The following CRHBP variants were observed in gnomAD, a reference collection of about 807,000 sequenced individuals.
CRHBP encodes the protein corticotropin-releasing hormone-binding protein.
Under a neutral mutation model 34.9 loss-of-function variants are expected in CRHBP, and 19 were observed. The observed-to-expected ratio is 0.55, with a 90% CI of 0.38 to 0.80. The LOEUF is 0.80. CRHBP is among the 30% of genes least tolerant of loss of function. CRHBP has a pLI of 0.00. For synonymous variants in CRHBP, 154 were observed against 153.4 expected, an observed-to-expected ratio of 1.00 and a Z score of -0.03; for missense variants, 328 against 409.2, an observed-to-expected ratio of 0.80 and a Z score of 1.71.
chr5:76,958,135 G>A (rs7704707), intron 4 of CRHBP, among the ~76,000 whole-genome samples: 1 of 151,752 alleles, frequency 6.6e-6, no homozygotes, highest in Non-Finnish European at 1.5e-5. Flanking sequence ...TTCTAGCCAG[G>A]GTGACAGAGC....
chr5:76,976,966 C>A (rs1352973775), intron 3 of CRHBP, among the ~76,000 whole-genome samples: 2 of 152,184 alleles, frequency 1.3e-5, no homozygotes, highest in Non-Finnish European at 2.9e-5. Flanking sequence ...ACTCTGCCAT[C>A]TGCTCAGCAA....
In CRHBP at chr5:76,955,646, T is replaced by C; in HGVS notation, c.334-7T>C. 1 of 1,613,798 alleles carries C rather than the reference T, an allele frequency of 6.2e-7. No individual in the cohort carries two copies. The highest frequency in any genetic ancestry group is 8.5e-7 in the Non-Finnish European group (1 of 1,179,728). On this transcript the variant is annotated splice_region_variant and splice_polypyrimidine_tract_variant and intron_variant, in intron 3 of 6. Transcript: ENST00000274368. ...TGATAGCATCTATGTCTGTATTTTT[T>C]TCAAAGGTATTTGATGGTTGGATTC...
chr5:76,963,884 C>T (rs966858353), intron 6 of CRHBP, among the ~76,000 whole-genome samples: 1 of 151,982 alleles, frequency 6.6e-6, no homozygotes, highest in Non-Finnish European at 1.5e-5. Flanking sequence ...GTGTGTGTTA[C>T]TCATAGTAAA....
At chr5:76,960,771 T>TG (rs1745764737) in intron 5 of CRHBP, among the ~76,000 whole-genome samples, 2 of 136,132 alleles carry the variant, frequency 1.5e-5, no homozygotes, top group African/African-American at 2.9e-5. Context: ...TTTTGTTTTT[T>TG]GTTTTTTTTT....
intron 6 of CRHBP, among the ~76,000 whole-genome samples, chr5:76,964,155 G>A (rs1342674361): frequency 6.6e-6 from 1 of 152,094 alleles, no homozygotes; most frequent in Non-Finnish European, 1.5e-5. Context: ...ATGACCTCAT[G>A]ACCAGATAAC....
At position 76,954,083 on chromosome 5, in the gene CRHBP, C is replaced by G. The variant is rs79810800; in HGVS notation, c.230C>G (p.Pro77Arg). 2.5e-6 allele frequency: 4 copies of G among 1,613,976 alleles called. No individual in the cohort carries two copies. The highest frequency in any genetic ancestry group is 2.2e-5 in the East Asian group (1 of 44,852). The change falls in exon 3 of 7, where the codon CCG becomes CGG. Residue 77 changes from proline to arginine, a missense_variant. By Grantham distance (103) the Pro-to-Arg change is moderately radical. Transcript: ENST00000274368. ...QGQFTFTADR[P>R]QLHCAAFFIS... is the part of the protein sequence containing the mutation. ...CAGTTCACCTTCACCGCCGACCGGC[C>G]GCAGCTGCACTGCGCAGCCTTCTTC...
chr5:76,959,374 G>A (rs1354263118), intron 5 of CRHBP, among the ~76,000 whole-genome samples: 1 of 152,188 alleles, frequency 6.6e-6, no homozygotes, highest in Admixed American at 6.5e-5. Flanking sequence ...GCAAAATACA[G>A]TAAAGCTTTG....
rs1280412885 is a variant in CRHBP at position 76,953,838 on chromosome 5, C to T, written c.175+144C>T. 2.6e-6 allele frequency: 3 copies of T among 1,170,788 alleles called. No homozygotes were observed. In the African/African-American group the frequency reaches 4.7e-5, roughly 18 times the overall value. The allele number at this position is 1,170,788 out of a possible 1,614,324, so 72.5% of individuals were successfully genotyped here. On this transcript the variant is annotated intron_variant, in intron 2 of 6. Coordinates refer to ENST00000274368, the MANE Select transcript of CRHBP (RefSeq NM_001882.4). ...GCGGTCCCCTTAGCTAAGGATCGGT[C>T]CGCGGAGGCGCGCCAGGAGCGGGAG...
intron 3 of CRHBP, 82 bp downstream of exon 3, chr5:76,954,268 G>A: frequency 1.3e-6 from 2 of 1,503,670 alleles, no homozygotes; most frequent in Non-Finnish European, 1.8e-6. Flanking sequence ...ACCCAGCGTG[G>A]GGCTGCTGAG....
chr5:76,969,704 C>T (rs191847330), downstream of CRHBP, among the ~76,000 whole-genome samples: 41 of 152,258 alleles, frequency 2.7e-4, no homozygotes, highest in East Asian at 9.6e-4. Context: ...ATTCATTTTC[C>T]GCTATCCTCA....
At chr5:76,976,859 AT>A (rs1231181825) in intron 3 of CRHBP, among the ~76,000 whole-genome samples, 7 of 151,928 alleles carry the variant, frequency 4.6e-5, no homozygotes, top group Non-Finnish European at 2.9e-5. Context: ...TTCAATTACT[AT>A]TTTTTTTCTT....
downstream of CRHBP, among the ~76,000 whole-genome samples, chr5:76,970,531 T>G (rs1244979120): frequency 6.6e-6 from 1 of 152,008 alleles, no homozygotes; most frequent in East Asian, 1.9e-4. Flanking sequence ...AATGCTTGAA[T>G]GGATGGATGG....
At chr5:76,956,543 G>A (rs948804308) in intron 4 of CRHBP, among the ~76,000 whole-genome samples, 1 of 152,112 alleles carries the variant, frequency 6.6e-6, no homozygotes, top group Non-Finnish European at 1.5e-5. Flanking sequence ...AGACCGTCCT[G>A]GCTAACACAG....
chr5:76,963,545 GGTGAGTTTCGCC>G, intron 6 of CRHBP, 85 bp downstream of exon 6: 1 of 1,239,188 alleles, frequency 8.1e-7, no homozygotes. Context: ...TACATTGGAA[GGTGAGTTTCGCC>G]AAAAAAGCCT....
At position 76,968,924 on chromosome 5, in the gene CRHBP, A is replaced by T; in HGVS notation, c.*39A>T. On this transcript the variant is annotated 3_prime_UTR_variant, in exon 7 of 7. Coordinates refer to ENST00000274368, the MANE Select transcript of CRHBP (RefSeq NM_001882.4). ...TGATTTACATGCTGATAGCTAAGTG[A>T]GTTTTTAATGGCCATTGTGTATGAT... is the stretch of plus-strand genomic sequence containing the variant. 1 of 1,596,684 alleles carries T rather than the reference A, an allele frequency of 6.3e-7. No individual in the cohort carries two copies. Among genetic ancestry groups the T allele is most frequent in the Non-Finnish European group, 8.6e-7 (1 of 1,168,882 alleles).
rs182054220 is a variant in CRHBP, at chr5:76,953,771, G to C, written c.175+77G>C. ...ACTCTGTGCGGGGGGCAGAGGGCTC[G>C]CGGACATCTCGGGGAAGGGGCTGGC... On this transcript the variant is annotated intron_variant, in intron 2 of 6. Transcript: ENST00000274368. 7,346 of 1,434,546 alleles carry C rather than the reference G, an allele frequency of 5.1e-3. 49 individuals are homozygous for C. Among genetic ancestry groups the C allele is most frequent in the Admixed American group, 0.012 (603 of 49,494 alleles). The allele number at this position is 1,434,546 out of a possible 1,614,324, so 88.9% of individuals were successfully genotyped here.
Position 76,958,839 on chromosome 5 carries a change from A to T in CRHBP, c.643A>T (p.Ile215Phe). The change falls in exon 5 of 7, where the codon ATC becomes TTC. Residue 215 changes from isoleucine (I) to phenylalanine (F), a missense_variant. Ile to Phe is a conservative substitution (Grantham distance 21). This residue lies in a region of CRHBP where 144 missense variants were observed against 216.7 expected (regional missense o/e 0.66). Transcript: ENST00000274368. ...CSFSIIYPVV[I>F]KISDLTLGHV... Reference sequence around the variant, plus strand: ...CTTCTCCATAATTTATCCTGTGGTGATCAAAATATCTGATCTTACCCTGGG... The same window carrying T: ...CTTCTCCATAATTTATCCTGTGGTGTTCAAAATATCTGATCTTACCCTGGG... The T allele has an allele frequency of 6.2e-7, 1 of 1,614,030 alleles. No individual in the cohort carries two copies. The highest frequency in any genetic ancestry group is 1.3e-5 in the African/African-American group (1 of 75,044).
At chr5:76,962,186 A>G (rs1387892488) in intron 5 of CRHBP, among the ~76,000 whole-genome samples, 3 of 152,192 alleles carry the variant, frequency 2.0e-5, no homozygotes. Context: ...ACCTTGTCAC[A>G]TTCTACTAGA....
chr5:76,959,548 C>T (rs1745743908), intron 5 of CRHBP, among the ~76,000 whole-genome samples: 1 of 152,164 alleles, frequency 6.6e-6, no homozygotes, highest in South Asian at 2.1e-4. Context: ...TCTGAGTCAT[C>T]CTCATTTCCT....
Sources: allele counts gnomAD v4.1 joint callset (sites outside exome capture counted in the v4.1 genomes callset), GRCh38; gene constraint gnomAD v4.1.1; regional missense constraint gnomAD v4.1.1; transcripts MANE v1.5; gene names NCBI Gene and HGNC (gene_info 2026-07-23, HGNC 2026-07-21).